Variants in CDH18 observed in about 807,000 individuals in gnomAD.
CDH18 encodes the protein cadherin-18.
Under a neutral mutation model 67.9 loss-of-function variants are expected in CDH18, and 31 were observed. That is an observed-to-expected ratio of 0.46 (90% CI 0.34 to 0.62). The LOEUF (loss-of-function observed/expected upper bound fraction) is 0.62, where lower values mean the gene tolerates loss of function less well. CDH18 is among the 20% of genes least tolerant of loss of function. The probability of loss-of-function intolerance (pLI) is 0.01; values close to 1 mark genes in which losing one functional copy is unlikely to be tolerated. For missense variants in CDH18, 890 were observed against 975.5 expected (o/e 0.91, Z 1.17); for synonymous variants, 362 against 347.2 (o/e 1.04, Z -0.48).
At chr5:19,791,280 A>G (rs1480705804) in intron 3 of CDH18, among the ~76,000 whole-genome samples, 2 of 151,476 alleles carry the variant, frequency 1.3e-5, no homozygotes, top group African/African-American at 2.4e-5. Context: ...GAGACATGAC[A>G]CTGAGCAGGT....
chr5:19,855,574 C>T (rs1784194887), intron 2 of CDH18, among the ~76,000 whole-genome samples: 1 of 152,002 alleles, frequency 6.6e-6, no homozygotes, highest in Admixed American at 6.6e-5. Flanking sequence ...TGGCACCTCC[C>T]CATCCCTCTG....
chr5:20,345,719 A>T (rs1422420700), intron 1 of CDH18, among the ~76,000 whole-genome samples: 1 of 152,118 alleles, frequency 6.6e-6, no homozygotes, highest in Non-Finnish European at 1.5e-5. Flanking sequence ...ATCTCCTGAA[A>T]AAATCCACCT....
intron 9 of CDH18, among the ~76,000 whole-genome samples, chr5:19,525,024 C>T (rs559299435): frequency 1.3e-5 from 2 of 152,284 alleles, no homozygotes; most frequent in African/African-American, 2.4e-5. Flanking sequence ...GGATTACAGG[C>T]GTGAGCCACC....
intron 11 of CDH18, among the ~76,000 whole-genome samples, chr5:19,486,594 C>G (rs1397244044): frequency 6.6e-6 from 1 of 152,072 alleles, no homozygotes; most frequent in African/African-American, 2.4e-5. Flanking sequence ...GAGTTCAAGA[C>G]CAGCCTGGCC....
intron 2 of CDH18, among the ~76,000 whole-genome samples, chr5:20,181,395 C>A (rs562234073): frequency 6.6e-6 from 1 of 152,016 alleles, no homozygotes; most frequent in African/African-American, 2.4e-5. Flanking sequence ...GAGGAGGATG[C>A]ACTAATAGGC....
chr5:20,281,266 A>T (rs1473758089), intron 1 of CDH18, among the ~76,000 whole-genome samples: 2 of 152,062 alleles, frequency 1.3e-5, no homozygotes, highest in African/African-American at 2.4e-5. Flanking sequence ...GGTGTTTTAG[A>T]CATGAAGTCC....
At chr5:20,359,881 G>A (rs1483509490) in intron 1 of CDH18, among the ~76,000 whole-genome samples, 1 of 151,676 alleles carries the variant, frequency 6.6e-6, no homozygotes, top group African/African-American at 2.4e-5. Context: ...AAGTTAGAAA[G>A]TTATTATTAT....
At chr5:19,517,377 T>C (rs1338759398) in intron 10 of CDH18, among the ~76,000 whole-genome samples, 1 of 121,296 alleles carries the variant, frequency 8.2e-6, no homozygotes, top group Non-Finnish European at 1.7e-5. Flanking sequence ...AAGTAGAAAG[T>C]CTGTAGTTTG....
chr5:19,886,160 T>C (rs1251009937), intron 2 of CDH18: 1 of 152,234 alleles, frequency 6.6e-6, no homozygotes, highest in Non-Finnish European at 1.5e-5. Context: ...TCTTTATTAC[T>C]TGATACTGGG....
At chr5:19,546,862 G>A (rs1318430242) in intron 8 of CDH18, among the ~76,000 whole-genome samples, 1 of 152,156 alleles carries the variant, frequency 6.6e-6, no homozygotes, top group Non-Finnish European at 1.5e-5. Context: ...ACTTGGAACG[G>A]TGTGATCAAA....
intron 2 of CDH18, among the ~76,000 whole-genome samples, chr5:20,055,861 A>AGCATCTG (rs1741850445): frequency 6.6e-6 from 1 of 152,138 alleles, no homozygotes; most frequent in Admixed American, 6.5e-5. Context: ...GGCATGTATA[A>AGCATCTG]GCATCTGGTT....
intron 2 of CDH18, among the ~76,000 whole-genome samples, chr5:19,889,329 GAA>G (rs575284693): frequency 2.5e-3 from 375 of 152,022 alleles, no homozygotes; most frequent in Non-Finnish European, 3.5e-3. Context: ...CCTCTTGAGA[GAA>G]ATGTGTAATT....
At chr5:19,818,307 A>C (rs1779504949) in intron 3 of CDH18, among the ~76,000 whole-genome samples, 1 of 152,154 alleles carries the variant, frequency 6.6e-6, no homozygotes, top group South Asian at 2.1e-4. Flanking sequence ...TGAAGACAAG[A>C]AGTCTATTAT....
chr5:20,541,305 T>A (rs578065655), intron 1 of CDH18, among the ~76,000 whole-genome samples: 1 of 152,308 alleles, frequency 6.6e-6, no homozygotes, highest in South Asian at 2.1e-4. Context: ...CAGTCTACAA[T>A]AATTTTACAC....
intron 1 of CDH18, among the ~76,000 whole-genome samples, chr5:20,548,625 T>C (rs1351349020): frequency 6.6e-6 from 1 of 152,200 alleles, no homozygotes; most frequent in African/African-American, 2.4e-5. Flanking sequence ...CTGATGTTTG[T>C]ACAGTGAATC....
intron 1 of CDH18, among the ~76,000 whole-genome samples, chr5:20,307,579 ACTG>A (rs1242963202): frequency 6.6e-6 from 1 of 152,210 alleles, no homozygotes; most frequent in African/African-American, 2.4e-5. Context: ...ATTAAAGTGG[ACTG>A]CTTCCATTGT....
At chr5:20,508,322 A>ATT (rs1423891382) in intron 1 of CDH18, among the ~76,000 whole-genome samples, 2 of 83,108 alleles carry the variant, frequency 2.4e-5, no homozygotes. Flanking sequence ...TATGACTATG[A>ATT]TTATATATAT....
intron 2 of CDH18, among the ~76,000 whole-genome samples, chr5:20,163,668 C>T (rs889514341): frequency 6.6e-6 from 1 of 152,044 alleles, no homozygotes; most frequent in South Asian, 2.1e-4. Flanking sequence ...ATCAGCTATC[C>T]CCCTGGTAGA....
intron 2 of CDH18, among the ~76,000 whole-genome samples, chr5:20,070,199 C>A (rs572706026): frequency 6.6e-6 from 1 of 152,206 alleles, no homozygotes; most frequent in Non-Finnish European, 1.5e-5. Flanking sequence ...ATTTGTGATT[C>A]CTTTATGTCT....
Sources: allele counts gnomAD v4.1 joint callset (sites outside exome capture counted in the v4.1 genomes callset), GRCh38; gene constraint gnomAD v4.1.1; transcripts MANE v1.5; gene names NCBI Gene and HGNC (gene_info 2026-07-23, HGNC 2026-07-21).